Variants in GABRR1 observed in about 807,000 individuals in gnomAD.
GABRR1 encodes the protein gamma-aminobutyric acid receptor subunit rho-1.
A neutral mutation model predicts 55.5 loss-of-function variants in GABRR1; 59 were observed. The ratio of observed to expected loss-of-function variants is 1.06; its 90% CI spans 0.86 to 1.32. GABRR1 has a LOEUF of 1.32. Ranked by LOEUF, GABRR1 falls within the 40% of genes most tolerant of loss-of-function variation. The pLI, the probability that GABRR1 is intolerant of heterozygous loss-of-function variation, is 0.00. For synonymous variants in GABRR1, 213 were observed against 226.0 expected (o/e 0.94, Z 0.51); for missense variants, 602 against 619.1 (o/e 0.97, Z 0.29).
At chr6:89,220,538 C>T (rs1453122706), upstream of GABRR1, among the ~76,000 whole-genome samples, 4 of 152,164 alleles carry the variant, frequency 2.6e-5, no homozygotes, top group South Asian at 6.2e-4. Context: ...TGTTCTTAAT[C>T]AACTTTATTT....
chr6:89,193,752 C>T (rs1004935883), intron 5 of GABRR1, among the ~76,000 whole-genome samples: 1 of 152,150 alleles, frequency 6.6e-6, no homozygotes, highest in African/African-American at 2.4e-5. Context: ...CTTCACTCCA[C>T]ACCACAGAAA....
chr6:89,193,638 C>T (rs1042736691), intron 5 of GABRR1, among the ~76,000 whole-genome samples: 2 of 152,068 alleles, frequency 1.3e-5, no homozygotes, highest in African/African-American at 4.8e-5. Context: ...AGCTTGTGAG[C>T]CAGTTGTTAA....
chr6:89,201,651 C>T lies in GABRR1; in HGVS notation c.174-386G>A, dbSNP rs548717263. On this transcript the variant is annotated intron_variant, in intron 2 of 9. Transcript: ENST00000454853. ...AAACTTAGCTGGGCGTGGTGGCAGGCGCCTGTGGTCCCAGCTACTCGGGAG... is the reference window on the plus strand; with the variant it reads ...AAACTTAGCTGGGCGTGGTGGCAGGTGCCTGTGGTCCCAGCTACTCGGGAG... Among the ~76,000 whole-genome samples, 28 of 152,122 alleles carry T rather than the reference C, an allele frequency of 1.8e-4. No homozygotes were observed. The South Asian group carries it at 2.3e-3, about 12-fold the overall frequency.
chr6:89,185,861 T>C (rs1417760131), intron 6 of GABRR1, among the ~76,000 whole-genome samples: 2 of 152,192 alleles, frequency 1.3e-5, no homozygotes, highest in Admixed American at 1.3e-4. Flanking sequence ...GTGTGGCGAC[T>C]CATCAATTGA....
upstream of GABRR1, among the ~76,000 whole-genome samples, chr6:89,221,897 A>G (rs1223563711): frequency 2.6e-5 from 4 of 152,230 alleles, no homozygotes; most frequent in African/African-American, 9.6e-5. Context: ...CTGCTGCTGT[A>G]ATCGAGCCAT....
At chr6:89,207,734 A>T (rs756163559) in intron 1 of GABRR1, among the ~76,000 whole-genome samples, 13 of 152,186 alleles carry the variant, frequency 8.5e-5, no homozygotes, top group Admixed American at 2.0e-4. Context: ...AGACCAATTA[A>T]ATCAGAACCT....
intron 1 of GABRR1, among the ~76,000 whole-genome samples, chr6:89,224,548 T>A (rs556093065): frequency 3.6e-4 from 55 of 152,268 alleles, no homozygotes; most frequent in Non-Finnish European, 6.3e-4. Flanking sequence ...TTTGTTTGAG[T>A]TTGTTGTAGA....
chr6:89,184,962 T>C (rs191178133), intron 7 of GABRR1, among the ~76,000 whole-genome samples: 5 of 149,932 alleles, frequency 3.3e-5, no homozygotes, highest in African/African-American at 1.2e-4. Flanking sequence ...CTCAGCTCAC[T>C]GTAACCTCCG....
intron 6 of GABRR1, among the ~76,000 whole-genome samples, chr6:89,188,677 A>G (rs1771989172): frequency 6.6e-6 from 1 of 152,012 alleles, no homozygotes; most frequent in Admixed American, 6.6e-5. Flanking sequence ...CAGATAGATG[A>G]TTTATCAATA....
At chr6:89,189,211 C>T (rs923276707) in intron 6 of GABRR1, among the ~76,000 whole-genome samples, 1 of 151,934 alleles carries the variant, frequency 6.6e-6, no homozygotes, top group East Asian at 1.9e-4. Context: ...TTATTGCACA[C>T]GTATGTTTAT....
intron 1 of GABRR1, chr6:89,212,225 G>T: frequency 2.7e-6 from 1 of 368,704 alleles, no homozygotes; most frequent in Non-Finnish European, 3.5e-6. Flanking sequence ...AAGCCAATCA[G>T]ATTCTGACCA....
At chr6:89,183,219 G>A (rs1353152402) in intron 7 of GABRR1, among the ~76,000 whole-genome samples, 1 of 150,704 alleles carries the variant, frequency 6.6e-6, no homozygotes, top group Non-Finnish European at 1.5e-5. Flanking sequence ...AAATAAAATG[G>A]ATGGGGACTT....
rs1172113353 is a variant in GABRR1, at chr6:89,190,320, G to C, written c.573-73C>G. ...GAGTGCAAAATGATAAATGGAAAAGGCCTCTGCTTCCTTCCAATATGATAG... is the reference window on the plus strand; with the variant it reads ...GAGTGCAAAATGATAAATGGAAAAGCCCTCTGCTTCCTTCCAATATGATAG... On this transcript the variant is annotated intron_variant, in intron 5 of 9. Coordinates refer to ENST00000454853, the MANE Select transcript of GABRR1 (RefSeq NM_002042.5). 13 of 1,035,844 alleles carry C rather than the reference G, an allele frequency of 1.3e-5. No homozygotes were observed. In the Middle Eastern group the frequency reaches 1.0e-3, roughly 83 times the overall value. The allele number at this position is 1,035,844 out of a possible 1,614,324, so 64.2% of individuals were successfully genotyped here. A position where few individuals can be genotyped will look rare whatever the true frequency, so the allele number is the denominator to read the frequency against.
intron 1 of GABRR1, chr6:89,204,504 G>A (rs560677725): frequency 1.6e-5 from 7 of 446,706 alleles, no homozygotes; most frequent in South Asian, 1.5e-4. Flanking sequence ...AATGAAGGAA[G>A]GAATCAGCCC....
At chr6:89,195,388 G>C (rs553056953) in intron 5 of GABRR1, among the ~76,000 whole-genome samples, 1 of 151,802 alleles carries the variant, frequency 6.6e-6, no homozygotes, top group African/African-American at 2.4e-5. Context: ...GCTTGAACCC[G>C]AGAGGTGGAG....
At chr6:89,194,057 C>A (rs1479388577) in intron 5 of GABRR1, among the ~76,000 whole-genome samples, 1 of 152,182 alleles carries the variant, frequency 6.6e-6, no homozygotes, top group African/African-American at 2.4e-5. Flanking sequence ...CCTTAACCAA[C>A]AGGAAGCATC....
intron 6 of GABRR1, among the ~76,000 whole-genome samples, chr6:89,187,527 C>T (rs939085777): frequency 2.0e-5 from 3 of 152,258 alleles, no homozygotes; most frequent in Admixed American, 1.3e-4. Context: ...TACATAAACA[C>T]AACCAGTATG....
At chr6:89,193,888 C>T (rs1377916924) in intron 5 of GABRR1, among the ~76,000 whole-genome samples, 1 of 152,116 alleles carries the variant, frequency 6.6e-6, no homozygotes, top group South Asian at 2.1e-4. Context: ...GAGAACTGGA[C>T]TTACACATCC....
rs1439397721 is a variant in GABRR1, at chr6:89,212,379, TC to T, written c.122+4821del. ...GATTACTTTCTCTGTTTCCCCTCTA[TC>T]CCCCTTCCTGGTGTTCCATCATGCT... On this transcript the variant is annotated intron_variant, in intron 1 of 9. Transcript: ENST00000454853. 4.4e-4 allele frequency among the ~76,000 whole-genome samples: 17 copies of T among 38,940 alleles called. 7 individuals carry two copies. The highest frequency in any genetic ancestry group is 1.4e-3 in the African/African-American group (17 of 12,334). 25.5% of individuals were successfully genotyped at this position (38,940 alleles called of 152,430 possible).
Sources: gnomAD v4.1 joint callset for allele counts (sites outside exome capture counted in the v4.1 genomes callset) on GRCh38, gnomAD v4.1.1 for gene constraint, MANE v1.5 for transcripts, NCBI Gene and HGNC (gene_info 2026-07-23, HGNC 2026-07-21) for gene names.